The following CDH7 variants were observed in gnomAD, a reference collection of about 807,000 sequenced individuals.
CDH7 encodes the protein cadherin 7.
In CDH7, 25 loss-of-function variants were observed where a neutral mutation model predicts 71.8. The ratio of observed to expected loss-of-function variants is 0.35; its 90% CI spans 0.25 to 0.49. The LOEUF is 0.49. Among genes scored for constraint, CDH7 ranks in the 20% least tolerant of loss-of-function variants. CDH7 has a pLI of 0.99. For synonymous variants in CDH7, 381 were observed against 363.8 expected, an observed-to-expected ratio of 1.05 and a Z score of -0.54; for missense variants, 862 against 974.6, an observed-to-expected ratio of 0.88 and a Z score of 1.54.
intron 2 of CDH7, among the ~76,000 whole-genome samples, chr18:65,790,220 CAAAAAAAAAAAA>C (rs10552878): frequency 1.5e-5 from 1 of 66,500 alleles, no homozygotes; most frequent in Admixed American, 1.9e-4. Context: ...GACTCTCTCT[CAAAAAAAAAAAA>C]AAAAAAAAAA....
chr18:65,804,858 A>T (rs1911259304), intron 2 of CDH7, among the ~76,000 whole-genome samples: 1 of 152,180 alleles, frequency 6.6e-6, no homozygotes, highest in Non-Finnish European at 1.5e-5. Flanking sequence ...AAAGTACAAA[A>T]TCACACACTA....
chr18:65,781,840 T>C lies in CDH7; in HGVS notation c.210+18788T>C, dbSNP rs1263631817. 1.8e-4 allele frequency among the ~76,000 whole-genome samples: 17 copies of C among 96,346 alleles called. 1 individual carries two copies. The highest frequency in any genetic ancestry group is 1.1e-3 in the African/African-American group (16 of 14,836). 63.2% of individuals were successfully genotyped at this position (96,346 alleles called of 152,430 possible). On this transcript the variant is annotated intron_variant, in intron 2 of 11. Transcript: ENST00000397968. The stretch of plus-strand genomic sequence containing the variant: ...CTTCCTTCTTTCTTTCTTTCTTTCT[T>C]TCTTTCTTTCTTTCTTTCTTTCTTT...
chr18:65,776,635 T>G (rs1942833), intron 2 of CDH7, among the ~76,000 whole-genome samples: 54,210 of 151,806 alleles, frequency 0.36, 10,196 homozygotes, highest in African/African-American at 0.46. Context: ...CTTCTTTCTC[T>G]CTCTTTTTCT....
At chr18:65,798,094 G>A (rs1910981248) in intron 2 of CDH7, among the ~76,000 whole-genome samples, 1 of 152,150 alleles carries the variant, frequency 6.6e-6, no homozygotes, top group African/African-American at 2.4e-5. Flanking sequence ...TGGGTCGCTG[G>A]CTTCCCTGAG....
intron 2 of CDH7, among the ~76,000 whole-genome samples, chr18:65,804,698 A>ATGTGTGTGTGTGTGTG (rs1911248919): frequency 2.6e-5 from 1 of 38,776 alleles, no homozygotes; most frequent in Admixed American, 3.8e-4. Flanking sequence ...CCCTTAACAC[A>ATGTGTGTGTGTGTGTG]CGTGTGTGTG....
At chr18:65,857,735 A>G in intron 7 of CDH7, 81 bp from the exon 8 acceptor site, 2 of 1,365,262 alleles carry the variant, frequency 1.5e-6, no homozygotes, top group Non-Finnish European at 2.0e-6. Context: ...GTAATGAGCT[A>G]CACAAATAAT....
At chr18:65,790,766 G>C (rs2143856929) in intron 2 of CDH7, among the ~76,000 whole-genome samples, 1 of 152,286 alleles carries the variant, frequency 6.6e-6, no homozygotes, top group East Asian at 1.9e-4. Flanking sequence ...CAGCTCAGGA[G>C]GCTGAGGCAA....
Position 65,862,653 on chromosome 18 carries a change from T to C in CDH7, c.1613-13T>C. ...AGAAATCTGGTGTTATACATTTGCT[T>C]TCGTTATCCTAGACAACACAGCCTC... On this transcript the variant is annotated splice_polypyrimidine_tract_variant and intron_variant, in intron 10 of 11. Transcript: ENST00000397968. The C allele has an allele frequency of 6.2e-7, 1 of 1,611,548 alleles. No homozygotes were observed.
At chr18:65,871,176 A>G (rs1913915175) in intron 11 of CDH7, among the ~76,000 whole-genome samples, 1 of 152,166 alleles carries the variant, frequency 6.6e-6, no homozygotes, top group Non-Finnish European at 1.5e-5. Context: ...CAACACCCAA[A>G]AAGTTCGGAA....
intron 7 of CDH7, among the ~76,000 whole-genome samples, chr18:65,854,678 A>G (rs1913285534): frequency 6.6e-6 from 1 of 152,112 alleles, no homozygotes; most frequent in Non-Finnish European, 1.5e-5. Flanking sequence ...TTGTCTTTTC[A>G]TGAATATTCA....
intron 11 of CDH7, among the ~76,000 whole-genome samples, chr18:65,867,901 C>T (rs1410247043): frequency 6.6e-6 from 1 of 152,230 alleles, no homozygotes; most frequent in Non-Finnish European, 1.5e-5. Context: ...TGATGGTCAG[C>T]TTGACAGTTA....
At chr18:65,794,775 T>A (rs1910850281) in intron 2 of CDH7, among the ~76,000 whole-genome samples, 1 of 151,956 alleles carries the variant, frequency 6.6e-6, no homozygotes, top group South Asian at 2.1e-4. Context: ...GAATACAGGC[T>A]TCGTTGTTGG....
chr18:65,885,372 G>GTTTTTTGTTTTTTTTTTTTTT lies in CDH7; in HGVS notation c.*4484_*4485insGTTTTTTTTTTTTTTTTTTTT, dbSNP rs1914342514. 1 of 69,436 alleles carries GTTTTTTGTTTTTTTTTTTTTT rather than the reference G, an allele frequency of 1.4e-5. No homozygotes were observed. The highest frequency in any genetic ancestry group is 2.7e-5 in the Non-Finnish European group (1 of 37,390). 4.3% of individuals were successfully genotyped at this position (69,436 alleles called of 1,614,324 possible). ...GTAACTGAAAAGGATGTGTGCCTGT[G>GTTTTTTGTTTTTTTTTTTTTT]TTTTTTTTTTTTTTTTTTTTTTTGA... On this transcript the variant is annotated 3_prime_UTR_variant, in exon 12 of 12. Coordinates refer to ENST00000397968, the MANE Select transcript of CDH7 (RefSeq NM_004361.5).
At chr18:65,812,055 A>G (rs1599023490) in intron 3 of CDH7, among the ~76,000 whole-genome samples, 1 of 126,000 alleles carries the variant, frequency 7.9e-6, no homozygotes, top group Non-Finnish European at 1.6e-5. Context: ...TGCAACCTCC[A>G]CCTCCCGAGT....
At chr18:65,766,964 T>C (rs1303741569) in intron 2 of CDH7, among the ~76,000 whole-genome samples, 5 of 151,024 alleles carry the variant, frequency 3.3e-5, no homozygotes, top group Non-Finnish European at 5.9e-5. Context: ...TATTAAGTAT[T>C]TTTCATCTTT....
intron 11 of CDH7, chr18:65,863,871 T>A (rs1005840183): frequency 1.1e-4 from 16 of 152,310 alleles, no homozygotes; most frequent in Middle Eastern, 6.8e-3. Flanking sequence ...AATGGGTTTA[T>A]TCCAAAGAAA....
At chr18:65,828,344 G>A (rs1912208108) in intron 6 of CDH7, among the ~76,000 whole-genome samples, 2 of 152,038 alleles carry the variant, frequency 1.3e-5, no homozygotes, top group African/African-American at 4.8e-5. Flanking sequence ...TGCTTATAGT[G>A]TTACACAGTT....
chr18:65,879,737 T>C (rs970401649), intron 11 of CDH7, among the ~76,000 whole-genome samples: 2 of 152,244 alleles, frequency 1.3e-5, no homozygotes, highest in African/African-American at 2.4e-5. Context: ...GGGTGATTCA[T>C]TTCTTAAATT....
Position 65,884,023 on chromosome 18 carries a change from G to A in CDH7, c.*3129G>A, listed in dbSNP as rs962818310. 4 of 151,796 alleles carry A rather than the reference G, an allele frequency of 2.6e-5. No homozygotes were observed. The highest frequency in any genetic ancestry group is 5.9e-5 in the Non-Finnish European group (4 of 67,936). The allele number at this position is 151,796 out of a possible 1,614,324, so 9.4% of individuals were successfully genotyped here. On this transcript the variant is annotated 3_prime_UTR_variant, in exon 12 of 12. Transcript: ENST00000397968. ...TACAGGAGCATCAATAGAAACTCAG[G>A]GTTTGCCAAATTATGCCCATTTTGA...
Sources: gnomAD v4.1 joint callset for allele counts (sites outside exome capture counted in the v4.1 genomes callset) on GRCh38, gnomAD v4.1.1 for gene constraint, MANE v1.5 for transcripts, NCBI Gene and HGNC (gene_info 2026-07-23, HGNC 2026-07-21) for gene names.